Variants in CDYL observed in about 807,000 individuals in gnomAD.
The protein encoded by CDYL is chromodomain Y-like protein.
In CDYL, 8 loss-of-function variants were observed where a neutral mutation model predicts 47.3. The ratio of observed to expected loss-of-function variants is 0.17; its 90% CI spans 0.10 to 0.31. The LOEUF (loss-of-function observed/expected upper bound fraction) is 0.31, where lower values mean the gene tolerates loss of function less well. Among genes scored for constraint, CDYL ranks in the 10% least tolerant of loss-of-function variants. CDYL has a pLI of 1.00. For synonymous variants in CDYL, 266 were observed against 265.0 expected (o/e 1.00, Z -0.04); for missense variants, 471 against 701.4 (o/e 0.67, Z 3.71).
intron 1 of CDYL, among the ~76,000 whole-genome samples, chr6:4,854,620 A>G (rs545920780): frequency 1.3e-5 from 2 of 152,340 alleles, no homozygotes; most frequent in East Asian, 1.9e-4. Context: ...AAATAACCTC[A>G]TGACACTACA....
In CDYL at chr6:4,954,885, T is replaced by G. The variant is rs949099959; in HGVS notation, c.*829T>G. ...TGAAAAATAACTACATAAGTGCTTC[T>G]TGTTGCTGGGTGAGAAATACTACTT... On this transcript the variant is annotated 3_prime_UTR_variant, in exon 7 of 7. Coordinates refer to ENST00000397588, the MANE Select transcript of CDYL (RefSeq NM_004824.4). The G allele has an allele frequency of 7.9e-5, 12 of 152,244 alleles. No individual in the cohort carries two copies. The highest frequency in any genetic ancestry group is 2.9e-4 in the African/African-American group (12 of 41,456). 9.4% of individuals were successfully genotyped at this position (152,244 alleles called of 1,614,324 possible). A position where few individuals can be genotyped will look rare whatever the true frequency, so the allele number is the denominator to read the frequency against.
intron 1 of CDYL, among the ~76,000 whole-genome samples, chr6:4,810,944 C>A (rs1759510332): frequency 6.6e-6 from 1 of 152,192 alleles, no homozygotes; most frequent in African/African-American, 2.4e-5. Flanking sequence ...ATATTCAGAC[C>A]ATAGCAAGTG....
intron 2 of CDYL, among the ~76,000 whole-genome samples, chr6:4,897,532 G>C (rs1762318256): frequency 1.3e-5 from 2 of 152,196 alleles, no homozygotes; most frequent in African/African-American, 4.8e-5. Context: ...AAGAGGCACA[G>C]CTGCCCTCTA....
rs371049163 is a variant in CDYL, at chr6:4,742,920, C to A, written c.186+8076C>A. Among the ~76,000 whole-genome samples the A allele has an allele frequency of 8.2e-4, 125 of 152,336 alleles. 1 individual carries two copies. The South Asian group carries it at 0.016, about 20-fold the overall frequency. The stretch of plus-strand genomic sequence containing the variant: ...AATTCTTTTCAGAGTTGTCTAATCA[C>A]AGTTTTTGCAGGCCAAGCTTGAGGT... On this transcript the variant is annotated intron_variant, in intron 3 of 8. Transcript: ENST00000328908.
chr6:4,898,492 C>T (rs1762351354), intron 2 of CDYL, among the ~76,000 whole-genome samples: 1 of 152,180 alleles, frequency 6.6e-6, no homozygotes, highest in South Asian at 2.1e-4. Context: ...CAAGAGCAAA[C>T]CCACTTACAC....
At chr6:4,821,212 CAA>C (rs1561653709) in intron 1 of CDYL, among the ~76,000 whole-genome samples, 1 of 137,668 alleles carries the variant, frequency 7.3e-6, no homozygotes, top group Non-Finnish European at 1.5e-5. Context: ...AAAAGCACAA[CAA>C]AATGTAAATC....
At chr6:4,950,527 A>G (rs566466001) in intron 5 of CDYL, among the ~76,000 whole-genome samples, 2 of 152,212 alleles carry the variant, frequency 1.3e-5, no homozygotes, top group African/African-American at 2.4e-5. Context: ...GACAAGGACT[A>G]TCAGAACCAC....
At chr6:4,837,993 A>G (rs1473225491) in intron 1 of CDYL, among the ~76,000 whole-genome samples, 1 of 150,438 alleles carries the variant, frequency 6.6e-6, no homozygotes, top group South Asian at 2.1e-4. Flanking sequence ...ACCCAGGCTC[A>G]TCTCGAACTC....
intron 2 of CDYL, chr6:4,724,341 A>AT: frequency 6.6e-6 from 1 of 152,070 alleles, no homozygotes; most frequent in East Asian, 1.9e-4. Flanking sequence ...GTGAGCCACC[A>AT]TGCCGAGCCT....
At chr6:4,737,430 A>G (rs894406118) in intron 3 of CDYL, among the ~76,000 whole-genome samples, 1 of 152,096 alleles carries the variant, frequency 6.6e-6, no homozygotes, top group Non-Finnish European at 1.5e-5. Flanking sequence ...AGGCGGGTGA[A>G]TCACCTGAGG....
At chr6:4,895,950 C>T (rs6916304) in intron 2 of CDYL, among the ~76,000 whole-genome samples, 126,794 of 152,142 alleles carry the variant, frequency 0.83, 56,739 homozygotes, top group Non-Finnish European at 0.99. Flanking sequence ...CCTTGTTGTG[C>T]GGAGTTGGGA....
chr6:4,896,805 C>T (rs77052002), intron 2 of CDYL, among the ~76,000 whole-genome samples: 2,137 of 152,212 alleles, frequency 0.014, 132 homozygotes, highest in Admixed American at 0.1. Context: ...CATTGGGAAA[C>T]GAACCATCAT....
chr6:4,753,114 G>A (rs1050848388), intron 3 of CDYL, among the ~76,000 whole-genome samples: 4 of 152,102 alleles, frequency 2.6e-5, no homozygotes, highest in Non-Finnish European at 4.4e-5. Context: ...GTTTTGCCAT[G>A]TAGCTCGGGC....
chr6:4,831,260 G>T (rs528085445), intron 1 of CDYL, among the ~76,000 whole-genome samples: 2 of 152,102 alleles, frequency 1.3e-5, no homozygotes, highest in Non-Finnish European at 2.9e-5. Context: ...TTTGTATAAG[G>T]TGTAAGGAAG....
intron 1 of CDYL, among the ~76,000 whole-genome samples, chr6:4,711,531 C>T (rs1757152284): frequency 6.6e-6 from 1 of 152,182 alleles, no homozygotes; most frequent in Non-Finnish European, 1.5e-5. Flanking sequence ...GCCCAGAGAA[C>T]AGCACAGAAC....
chr6:4,938,051 A>G (rs1758251227), intron 4 of CDYL, among the ~76,000 whole-genome samples: 1 of 152,230 alleles, frequency 6.6e-6, no homozygotes, highest in African/African-American at 2.4e-5. Flanking sequence ...GTAGATGATC[A>G]TGGGTAGCCA....
chr6:4,910,938 A>C (rs977887846), intron 2 of CDYL, among the ~76,000 whole-genome samples: 1 of 151,714 alleles, frequency 6.6e-6, no homozygotes, highest in African/African-American at 2.4e-5. Flanking sequence ...GGTTCACGCC[A>C]TTCTCCTGCC....
intron 1 of CDYL, among the ~76,000 whole-genome samples, chr6:4,879,280 A>T (rs1232634471): frequency 6.6e-6 from 1 of 152,192 alleles, no homozygotes; most frequent in Non-Finnish European, 1.5e-5. Context: ...TAAAATTTTC[A>T]ACTGAGTTTG....
Position 4,792,484 on chromosome 6 carries a change from T to A in CDYL, c.24+15677T>A, listed in dbSNP as rs1032374541. 5.7e-4 allele frequency among the ~76,000 whole-genome samples: 86 copies of A among 151,244 alleles called. 1 individual carries two copies. The highest frequency in any genetic ancestry group is 2.2e-4 in the Non-Finnish European group (15 of 67,866). On this transcript the variant is annotated intron_variant, in intron 1 of 6. Coordinates refer to ENST00000397588, the MANE Select transcript of CDYL (RefSeq NM_004824.4). ...TCTCACTCTGTTGCCCAGGCTGGAG[T>A]GCAGTGGCATGATCTCCGCTCACGG...
Sources: gnomAD v4.1 joint callset for allele counts (sites outside exome capture counted in the v4.1 genomes callset) on GRCh38, gnomAD v4.1.1 for gene constraint, MANE v1.5 for transcripts, NCBI Gene and HGNC (gene_info 2026-07-23, HGNC 2026-07-21) for gene names.